SERINC5: variants seen among roughly 807,000 people sequenced by gnomAD.
SERINC5 encodes chromosome 5 open reading frame 12.
In SERINC5, 41 loss-of-function variants were observed where a neutral mutation model predicts 63.1. The ratio of observed to expected loss-of-function variants is 0.65; its 90% CI spans 0.51 to 0.84. The LOEUF is 0.84. SERINC5 is among the 40% of genes least tolerant of loss of function. The pLI, the probability that SERINC5 is intolerant of heterozygous loss-of-function variation, is 0.00. For missense variants in SERINC5, 523 were observed against 573.0 expected (o/e 0.91, Z 0.89); for synonymous variants, 222 against 215.2 (o/e 1.03, Z -0.28).
At position 80,177,874 on chromosome 5, in the gene SERINC5, T is replaced by C. The variant is rs750984089; in HGVS notation, c.374+12A>G. On this transcript the variant is annotated intron_variant, in intron 3 of 11. Coordinates refer to ENST00000507668, the MANE Select transcript of SERINC5 (RefSeq NM_001174072.3). ...AGGAGAAAGCAATCCCCAAGAAGACTAAAATACTTACCCATTGTGAATATG... is the reference window on the plus strand; with the variant it reads ...AGGAGAAAGCAATCCCCAAGAAGACCAAAATACTTACCCATTGTGAATATG... 2.4e-5 allele frequency: 39 copies of C among 1,596,176 alleles called. No homozygotes were observed. The highest frequency in any genetic ancestry group is 7.7e-6 in the Non-Finnish European group (9 of 1,172,338).
At chr5:80,151,284 T>TC (rs1746164818) in intron 8 of SERINC5, among the ~76,000 whole-genome samples, 1 of 152,180 alleles carries the variant, frequency 6.6e-6, no homozygotes, top group South Asian at 2.1e-4. Context: ...TATCTTTCCC[T>TC]CCCTTTGACT....
In SERINC5 at chr5:80,225,079, T is replaced by C. The variant is rs1422815393; in HGVS notation, c.28-22026A>G. Among the ~76,000 whole-genome samples, 7 of 152,216 alleles carry C rather than the reference T, an allele frequency of 4.6e-5. No individual in the cohort carries two copies. The East Asian group carries it at 9.6e-4, about 21-fold the overall frequency. On this transcript the variant is annotated intron_variant, in intron 1 of 11. Transcript: ENST00000507668. ...ACTCAGCCTCCCGAGTAGCTGAGAT[T>C]ACAGGGGCACGCCACCACACCCAGC...
At chr5:80,243,043 T>G (rs112241581) in intron 1 of SERINC5, among the ~76,000 whole-genome samples, 1,902 of 152,324 alleles carry the variant, frequency 0.012, 35 homozygotes, top group African/African-American at 0.041. Context: ...ATTAAAGCCT[T>G]CTTCCTTGGC....
At chr5:80,176,914 A>G (rs1055061852) in intron 4 of SERINC5, among the ~76,000 whole-genome samples, 2 of 152,248 alleles carry the variant, frequency 1.3e-5, no homozygotes, top group African/African-American at 4.8e-5. Context: ...AAAGAATATA[A>G]TTCAATGCTA....
chr5:80,244,680 G>C (rs1752093056), intron 1 of SERINC5, among the ~76,000 whole-genome samples: 1 of 151,912 alleles, frequency 6.6e-6, no homozygotes, highest in Non-Finnish European at 1.5e-5. Context: ...AAATTAGCCG[G>C]GCCTAGTGGC....
intron 1 of SERINC5, among the ~76,000 whole-genome samples, chr5:80,233,336 A>T (rs1751537758): frequency 6.6e-6 from 1 of 152,200 alleles, no homozygotes; most frequent in African/African-American, 2.4e-5. Context: ...CTGAGACAGG[A>T]GAATCACTTG....
chr5:80,186,639 T>C (rs1748827961), intron 2 of SERINC5, among the ~76,000 whole-genome samples: 1 of 152,250 alleles, frequency 6.6e-6, no homozygotes, highest in Middle Eastern at 3.4e-3. Flanking sequence ...TTCACGTAAT[T>C]TTGTTTACAC....
At chr5:80,242,731 CAG>C (rs1752001693) in intron 1 of SERINC5, among the ~76,000 whole-genome samples, 1 of 152,058 alleles carries the variant, frequency 6.6e-6, no homozygotes, top group South Asian at 2.1e-4. Flanking sequence ...ACCTGGGTGA[CAG>C]AGTGAGACTC....
In SERINC5 at chr5:80,143,720, C is replaced by A. The variant is rs1054921230; in HGVS notation, c.1329G>T (p.Leu443Phe). Residue 443 changes from leucine (L) to phenylalanine (F), a missense_variant, in exon 12 of 12, where the codon TTG (leucine) becomes TTT (phenylalanine). Leu to Phe is a conservative substitution (Grantham distance 22, BLOSUM62 0). Transcript: ENST00000507668. ...KMASCWICVLLYLCTLVAPLC... is the reference protein window; with the variant it reads ...KMASCWICVLFYLCTLVAPLC... ...GGGGAGCGACCAGCGTACACAGGTA[C>A]AACAGCACGCATATCCAGCAGGAGG... 3 of 1,536,016 alleles carry A rather than the reference C, an allele frequency of 2.0e-6. No homozygotes were observed. The African/African-American group carries it at 4.1e-5, about 21-fold the overall frequency.
At chr5:80,145,924 C>T (rs1005267017) in intron 11 of SERINC5, among the ~76,000 whole-genome samples, 166 bp downstream of exon 11, 4 of 152,202 alleles carry the variant, frequency 2.6e-5, no homozygotes, top group Admixed American at 6.5e-5. Flanking sequence ...GCACAAGAAT[C>T]GCTTGAACCT....
chr5:80,135,424 C>T (rs1745125666), downstream of SERINC5, among the ~76,000 whole-genome samples: 1 of 152,156 alleles, frequency 6.6e-6, no homozygotes, highest in Admixed American at 6.6e-5. Context: ...GATAAGGCTC[C>T]ACAGGGATGG....
At chr5:80,224,945 G>GT (rs368546307) in intron 1 of SERINC5, among the ~76,000 whole-genome samples, 1,758 of 132,504 alleles carry the variant, frequency 0.013, 16 homozygotes, top group South Asian at 0.029. Flanking sequence ...GTTTTTTTTT[G>GT]TTTTTTTTTT....
intron 1 of SERINC5, among the ~76,000 whole-genome samples, chr5:80,251,293 TAC>T (rs1561457112): frequency 3.0e-3 from 153 of 50,286 alleles, no homozygotes; most frequent in African/African-American, 9.6e-3. Flanking sequence ...CATACATGCA[TAC>T]ATACATACAT....
intron 1 of SERINC5, among the ~76,000 whole-genome samples, chr5:80,213,662 C>T (rs1221480819): frequency 2.6e-5 from 4 of 152,160 alleles, no homozygotes; most frequent in Non-Finnish European, 2.9e-5. Context: ...GGTCACTTCC[C>T]TTTCTGTGCC....
intron 2 of SERINC5, among the ~76,000 whole-genome samples, chr5:80,184,882 T>C (rs760400542): frequency 6.6e-6 from 1 of 152,058 alleles, no homozygotes; most frequent in Non-Finnish European, 1.5e-5. Context: ...ACACTGTATG[T>C]TGTTTCTTTT....
chr5:80,230,124 G>C (rs1751371910), intron 1 of SERINC5, among the ~76,000 whole-genome samples: 1 of 152,074 alleles, frequency 6.6e-6, no homozygotes, highest in Non-Finnish European at 1.5e-5. Context: ...GCCTGCTCCA[G>C]GAGCTTGCAG....
intron 2 of SERINC5, among the ~76,000 whole-genome samples, chr5:80,183,788 T>A (rs1285471546): frequency 6.6e-6 from 1 of 151,740 alleles, no homozygotes; most frequent in Non-Finnish European, 1.5e-5. Flanking sequence ...CACCCCTATC[T>A]CCCTTCGCTG....
intron 1 of SERINC5, among the ~76,000 whole-genome samples, chr5:80,215,720 G>C (rs764950517): frequency 3.3e-5 from 5 of 152,166 alleles, no homozygotes; most frequent in Admixed American, 6.6e-5. Context: ...TACTAGAGCG[G>C]TGTTATTTTC....
In SERINC5 at chr5:80,146,173, G is replaced by A. The variant is rs764218953; in HGVS notation, c.1155C>T (p.Gly385=). Residue 385 remains glycine (G), a synonymous_variant, in exon 11 of 12, where the codon GGC becomes GGT. Coordinates refer to ENST00000507668, the MANE Select transcript of SERINC5 (RefSeq NM_001174072.3). Reference sequence around the variant, plus strand: ...GGAAGTAGGAGTAGATGTAGACGGTGCCTTTCTTCTCGTCATAAATGACCC... The same window carrying A: ...GGAAGTAGGAGTAGATGTAGACGGTACCTTTCTTCTCGTCATAAATGACCC... ...GPRVIYDEKK[G]TVYIYSYFHF... 1.2e-6 allele frequency: 2 copies of A among 1,613,970 alleles called. No individual in the cohort carries two copies. The highest frequency in any genetic ancestry group is 1.7e-6 in the Non-Finnish European group (2 of 1,179,818).
Sources: allele counts gnomAD v4.1 joint callset (sites outside exome capture counted in the v4.1 genomes callset), GRCh38; gene constraint gnomAD v4.1.1; transcripts MANE v1.5; gene names NCBI Gene and HGNC (gene_info 2026-07-23, HGNC 2026-07-21).